Variants in NR6A1 observed in about 807,000 individuals in gnomAD.
The protein encoded by NR6A1 is nuclear receptor subfamily 6 group A member 1.
Under a neutral mutation model 59.1 loss-of-function variants are expected in NR6A1, and 7 were observed. That is an observed-to-expected ratio of 0.12 (90% CI 0.07 to 0.22). NR6A1 has a LOEUF of 0.22. NR6A1 is among the 10% of genes least tolerant of loss of function. NR6A1 has a pLI of 1.00. For synonymous variants in NR6A1, 243 were observed against 236.1 expected, an observed-to-expected ratio of 1.03 and a Z score of -0.27; for missense variants, 468 against 611.6, an observed-to-expected ratio of 0.77 and a Z score of 2.48.
rs59770058 is a variant in NR6A1 at position 124,687,291 on chromosome 9, A to ATTAATTAATTAATTAATTAATTAT, written c.142+46016_142+46017insATAATTAATTAATTAATTAATTAA. On this transcript the variant is annotated intron_variant, in intron 2 of 9. Coordinates refer to ENST00000487099, the MANE Select transcript of NR6A1 (RefSeq NM_033334.4). ...ACATGCCACCACAGCCAGCTAATTAATTATTTATTTATTTATTTATTTATT... is the reference window on the plus strand; with the variant it reads ...ACATGCCACCACAGCCAGCTAATTAATTAATTAATTAATTAATTAATTATTTATTTATTTATTTATTTATTTATT... Among the ~76,000 whole-genome samples, 13 of 142,168 alleles carry ATTAATTAATTAATTAATTAATTAT rather than the reference A, an allele frequency of 9.1e-5. No homozygotes were observed. In the East Asian group the frequency reaches 1.9e-3, roughly 20 times the overall value. 93.3% of individuals were successfully genotyped at this position (142,168 alleles called of 152,430 possible).
chr9:124,620,472 T>C (rs1836036420), intron 2 of NR6A1, among the ~76,000 whole-genome samples: 1 of 152,194 alleles, frequency 6.6e-6, no homozygotes, highest in Non-Finnish European at 1.5e-5. Context: ...GGCATATCCA[T>C]ACACTGGAAT....
At chr9:124,628,491 A>T (rs1234278745) in intron 2 of NR6A1, among the ~76,000 whole-genome samples, 1 of 152,130 alleles carries the variant, frequency 6.6e-6, no homozygotes, top group African/African-American at 2.4e-5. Flanking sequence ...CTTCAGGCAC[A>T]TACTACCACA....
chr9:124,703,471 G>A (rs766273684), intron 2 of NR6A1, among the ~76,000 whole-genome samples: 1 of 150,994 alleles, frequency 6.6e-6, no homozygotes, highest in Non-Finnish European at 1.5e-5. Context: ...GCCTCCCAAA[G>A]TGCTGGTATT....
intron 2 of NR6A1, chr9:124,598,744 TCTC>T (rs1297677256): frequency 1.3e-5 from 12 of 927,706 alleles, no homozygotes; most frequent in Non-Finnish European, 1.7e-5. Flanking sequence ...TCTTCTCCCT[TCTC>T]CTTCACCGAA....
At chr9:124,736,038 G>A (rs369560718) in intron 1 of NR6A1, among the ~76,000 whole-genome samples, 1 of 152,198 alleles carries the variant, frequency 6.6e-6, no homozygotes, top group Non-Finnish European at 1.5e-5. Flanking sequence ...CACACGGATT[G>A]AATGTTGAAC....
intron 6 of NR6A1, 55 bp downstream of exon 6, chr9:124,538,037 T>G: frequency 1.4e-6 from 2 of 1,447,898 alleles, no homozygotes; most frequent in Non-Finnish European, 1.9e-6. Flanking sequence ...CGAGTGGGTG[T>G]GGGGTAGGGA....
At chr9:124,686,549 A>ATTCT (rs1491517172) in intron 2 of NR6A1, among the ~76,000 whole-genome samples, 2 of 152,198 alleles carry the variant, frequency 1.3e-5, no homozygotes, top group African/African-American at 4.8e-5. Flanking sequence ...GTAACTCAGA[A>ATTCT]GAGTTTTTCA....
rs143819694 is a variant in NR6A1, at chr9:124,702,778, T to C, written c.142+30530A>G. On this transcript the variant is annotated intron_variant, in intron 2 of 9. Coordinates refer to ENST00000487099, the MANE Select transcript of NR6A1 (RefSeq NM_033334.4). The stretch of plus-strand genomic sequence containing the variant: ...GCGGCCTCATCAGAAGCCAACAAAA[T>C]GTTGGTACCATACCTTGTCTCCAGA... Among the ~76,000 whole-genome samples the C allele has an allele frequency of 9.8e-3, 1,488 of 152,186 alleles. 11 individuals are homozygous for C. Among genetic ancestry groups the C allele is most frequent in the Non-Finnish European group, 0.014 (933 of 68,006 alleles).
intron 7 of NR6A1, among the ~76,000 whole-genome samples, chr9:124,529,742 T>G (rs548861953): frequency 6.6e-6 from 1 of 152,288 alleles, no homozygotes; most frequent in South Asian, 2.1e-4. Flanking sequence ...TCTGCTACAG[T>G]GCACAGAACT....
chr9:124,554,553 G>T lies in NR6A1; in HGVS notation c.160C>A (p.Arg54=), dbSNP rs767495116. Residue 54 remains arginine (R), a synonymous_variant, in exon 3 of 10, where the codon CGG becomes AGG. Transcript: ENST00000487099. ...DPGTISVSDD[R]AEQRTCLICG... ...ATGAGACAGGTTCGTTGTTCAGCCC[G>T]ATCATCTGAAACAGAAACTGATCAT... 6.2e-7 allele frequency: 1 copy of T among 1,614,134 alleles called. No homozygotes were observed. The highest frequency in any genetic ancestry group is 1.1e-5 in the South Asian group (1 of 91,070).
chr9:124,728,241 G>A lies in NR6A1; in HGVS notation c.142+5067C>T, dbSNP rs192667224. Among the ~76,000 whole-genome samples the A allele has an allele frequency of 2.5e-3, 387 of 151,830 alleles. 3 individuals carry two copies. Among genetic ancestry groups the A allele is most frequent in the Non-Finnish European group, 3.4e-3 (233 of 67,922 alleles). ...AGACGGGGTTTCACTGTGTTAGCTG[G>A]GATGGTCTGGATCTCCTGACCTCGT... On this transcript the variant is annotated intron_variant, in intron 2 of 9. Coordinates refer to ENST00000487099, the MANE Select transcript of NR6A1 (RefSeq NM_033334.4).
At chr9:124,578,138 T>G (rs535678669) in intron 2 of NR6A1, among the ~76,000 whole-genome samples, 1 of 152,338 alleles carries the variant, frequency 6.6e-6, no homozygotes, top group South Asian at 2.1e-4. Flanking sequence ...TGAGTACTCT[T>G]TGGGACTTCC....
At position 124,536,117 on chromosome 9, in the gene NR6A1, C is replaced by T. The variant is rs1431183771; in HGVS notation, c.840G>A (p.Gln280=). 1.9e-6 allele frequency: 3 copies of T among 1,613,374 alleles called. No individual in the cohort carries two copies. The Admixed American group carries it at 5.0e-5, about 27-fold the overall frequency. ...GGCAAAGCAGGGCAAATAGTTCTGC[C>T]TGTGTCACAGCGTATCTGAGGGGCA... The part of the protein sequence containing the change: ...MLIEDGYAVT[Q]AELFALLCRL... The change falls in exon 7 of 10, where the codon CAG becomes CAA. Residue 280 remains glutamine, a synonymous_variant. Transcript: ENST00000487099.
chr9:124,621,833 T>G (rs1484161348), intron 2 of NR6A1, among the ~76,000 whole-genome samples: 1 of 151,954 alleles, frequency 6.6e-6, no homozygotes, highest in Non-Finnish European at 1.5e-5. Flanking sequence ...CAGAAATGTT[T>G]TTGAGGGGGC....
At chr9:124,561,972 C>G (rs1045949552) in intron 2 of NR6A1, among the ~76,000 whole-genome samples, 7 of 152,144 alleles carry the variant, frequency 4.6e-5, no homozygotes, top group African/African-American at 1.7e-4. Flanking sequence ...CACCAGTCAG[C>G]CTGGTGGCAG....
At chr9:124,615,925 C>T (rs1289087145) in intron 2 of NR6A1, among the ~76,000 whole-genome samples, 2 of 152,008 alleles carry the variant, frequency 1.3e-5, no homozygotes, top group African/African-American at 4.8e-5. Context: ...ACCTCCATGA[C>T]CATGTTGGTC....
intron 2 of NR6A1, among the ~76,000 whole-genome samples, chr9:124,652,830 G>A (rs1156925839): frequency 6.6e-6 from 1 of 152,190 alleles, no homozygotes; most frequent in African/African-American, 2.4e-5. Context: ...GGTGAGTAAT[G>A]AGATGTAAGT....
At chr9:124,643,370 G>A (rs1245651453) in intron 2 of NR6A1, among the ~76,000 whole-genome samples, 1 of 152,038 alleles carries the variant, frequency 6.6e-6, no homozygotes, top group Non-Finnish European at 1.5e-5. Context: ...AGAGGCTGAG[G>A]CGGGTGGATC....
chr9:124,618,064 GA>G (rs1005615714), intron 2 of NR6A1, among the ~76,000 whole-genome samples: 2 of 152,194 alleles, frequency 1.3e-5, no homozygotes, highest in Admixed American at 6.5e-5. Flanking sequence ...TCTGTTGAAA[GA>G]AAGAATGGAA....
Sources: allele counts gnomAD v4.1 joint callset (sites outside exome capture counted in the v4.1 genomes callset), GRCh38; gene constraint gnomAD v4.1.1; transcripts MANE v1.5; gene names NCBI Gene and HGNC (gene_info 2026-07-23, HGNC 2026-07-21).